The following NAA10 variants were observed in gnomAD, a reference collection of about 807,000 sequenced individuals.
NAA10 encodes the protein N-alpha-acetyltransferase 10.
A neutral mutation model predicts 19.2 loss-of-function variants in NAA10; 6 were observed. The observed-to-expected ratio is 0.31, with a 90% CI of 0.17 to 0.62. The LOEUF is 0.62. NAA10 is among the 20% of genes least tolerant of loss of function. The pLI is 0.83. For synonymous variants in NAA10, 97 were observed against 79.9 expected (o/e 1.21, Z -1.14); for missense variants, 101 against 198.4 (o/e 0.51, Z 2.95).
chrX:153,930,354 G>A lies in NAA10; in HGVS notation c.472-131C>T, dbSNP rs782272629. Reference sequence around the variant, plus strand: ...GGCAGCAGGGCTAGGCAGGACACGCGGGACTGAGTGGGGACACCTGGCTGG... The same window carrying A: ...GGCAGCAGGGCTAGGCAGGACACGCAGGACTGAGTGGGGACACCTGGCTGG... On this transcript the variant is annotated intron_variant, in intron 7 of 7. Coordinates refer to ENST00000464845, the MANE Select transcript of NAA10 (RefSeq NM_003491.4). The A allele has an allele frequency of 1.8e-3, 1,051 of 589,271 alleles. 4 individuals are homozygous for A. The highest frequency in any genetic ancestry group is 2.5e-3 in the Non-Finnish European group (865 of 348,631). 48.6% of individuals were successfully genotyped at this position (589,271 alleles called of 1,213,427 possible).
At chrX:153,932,213 A>G in intron 5 of NAA10, 98 bp from the exon 6 acceptor site, 1 of 1,085,885 alleles carries the variant, frequency 9.2e-7, no homozygotes, top group South Asian at 1.9e-5. Flanking sequence ...CCTTCCCCCC[A>G]ATCCCACTTC....
intron 3 of NAA10, 128 bp downstream of exon 3, chrX:153,933,815 C>T (rs1352715658): frequency 5.1e-6 from 3 of 590,257 alleles, no homozygotes; most frequent in Non-Finnish European, 8.3e-6. Flanking sequence ...AACTCCATGT[C>T]CTTTCTGTTC....
intron 3 of NAA10, 179 bp from the exon 4 acceptor site, chrX:153,932,763 C>A (rs1310169510): frequency 6.1e-6 from 3 of 488,462 alleles, no homozygotes; most frequent in Non-Finnish European, 1.1e-5. Context: ...GCCTGAAAAC[C>A]CCAAGCCTGC....
At chrX:153,931,448 C>A in intron 6 of NAA10, 4 of 810,673 alleles carry the variant, frequency 4.9e-6, no homozygotes, top group Non-Finnish European at 5.9e-6. Context: ...CCAACAGTCC[C>A]TCTTCTTCAT....
intron 2 of NAA10, 66 bp from the exon 3 acceptor site, chrX:153,934,067 C>G: frequency 4.8e-6 from 5 of 1,038,809 alleles, no homozygotes; most frequent in Non-Finnish European, 6.8e-6. Context: ...TAGAGGGACA[C>G]AAACTGGACG....
chrX:153,930,740 C>G, intron 7 of NAA10, 23 bp downstream of exon 7: 1 of 1,209,246 alleles, frequency 8.3e-7, no homozygotes, highest in Non-Finnish European at 1.1e-6. Context: ...GCTCGCCTTG[C>G]TTGGCTTCAT....
At chrX:153,934,253 C>T in intron 2 of NAA10, 124 bp downstream of exon 2, 1 of 657,997 alleles carries the variant, frequency 1.5e-6, no homozygotes, top group Non-Finnish European at 2.4e-6. Context: ...GCTGAAAACA[C>T]CCAGGACGCC....
At chrX:153,932,195 T>TGGTCCCTCCTTCCCCCC in intron 5 of NAA10, 80 bp from the exon 6 acceptor site, 1 of 1,175,381 alleles carries the variant, frequency 8.5e-7, no homozygotes, top group Non-Finnish European at 1.2e-6. Flanking sequence ...CCCCTCCTCC[T>TGGTCCCTCCTTCCCCCC]GGTCCCTCCT....
At chrX:153,930,912 C>CTGGTA in intron 6 of NAA10, 65 bp from the exon 7 acceptor site, 6 of 1,210,893 alleles carry the variant, frequency 5.0e-6, no homozygotes, top group Non-Finnish European at 5.6e-6. Flanking sequence ...TCCTCCACTC[C>CTGGTA]TGGTATCGTG....
intron 6 of NAA10, 97 bp from the exon 7 acceptor site, chrX:153,930,944 G>A: frequency 8.3e-7 from 1 of 1,207,638 alleles, no homozygotes. Flanking sequence ...AAGGTGCCAT[G>A]TTTTCTCCCT....
Position 153,930,788 on chromosome X carries a change from C to G in NAA10, c.446G>C (p.Arg149Pro). Residue 149 changes from arginine to proline, a missense_variant, in exon 7 of 8, where the codon CGG becomes CCG. Arg to Pro is a moderately radical substitution (Grantham distance 103, BLOSUM62 -2). Around this residue, in one of 2 missense-constraint regions of NAA10, gnomAD observed 58 missense variants for 75.8 expected, o/e 0.77. Transcript: ENST00000464845. ...ADGEDAYAMK[R>P]DLTQMADELR... ...CTCGTCGGCCATCTGAGTGAGGTCC[C>G]GCTTCATGGCATAGGCGTCCTCCCC... 8.3e-7 allele frequency: 1 copy of G among 1,211,970 alleles called. No homozygotes were observed. The highest frequency in any genetic ancestry group is 1.1e-6 in the Non-Finnish European group (1 of 895,535).
rs960412850 is a variant in NAA10 at position 153,932,462 on chromosome X, G to A, written c.226-31C>T. 6.7e-6 allele frequency: 8 copies of A among 1,200,748 alleles called. No individual in the cohort carries two copies. The African/African-American group carries it at 1.4e-4, about 21-fold the overall frequency. On this transcript the variant is annotated intron_variant, in intron 4 of 7. Transcript: ENST00000464845. The stretch of plus-strand genomic sequence containing the variant: ...GGGAGAAGAGCAGAGATGGGGTGAG[G>A]GACTGGGACCTTGAGGGCTGCCCCA...
At chrX:153,930,318 G>A (rs782072288) in intron 7 of NAA10, 95 bp from the exon 8 acceptor site, 23 of 834,885 alleles carry the variant, frequency 2.8e-5, no homozygotes, top group Non-Finnish European at 4.1e-5. Context: ...CTGAGGAGAG[G>A]GGCATAGTGA....
At chrX:153,931,592 G>A (rs1021614117) in intron 6 of NAA10, 3 of 754,531 alleles carry the variant, frequency 4.0e-6, no homozygotes, top group African/African-American at 2.3e-5. Flanking sequence ...CTAGGCACAC[G>A]GGGCCTCCTG....
intron 6 of NAA10, chrX:153,931,152 C>T (rs1165467120): frequency 4.0e-6 from 4 of 992,862 alleles, no homozygotes; most frequent in Admixed American, 7.8e-5. Flanking sequence ...CCCTGCCCTG[C>T]GCCCTGTCCC....
At chrX:153,931,827 C>G in intron 6 of NAA10, 1 of 1,094,003 alleles carries the variant, frequency 9.1e-7, no homozygotes, top group Non-Finnish European at 1.2e-6. Flanking sequence ...CCATCATGGG[C>G]CAGAGCTCCT....
chrX:153,932,375 G>A lies in NAA10; in HGVS notation c.282C>T (p.Ala94=). Residue 94 remains alanine, a synonymous_variant, in exon 5 of 8, where the codon GCC becomes GCT. Transcript: ENST00000464845. ...TGAAGTTCTCTATCATGGCTCGAGA[G>A]GCCTGGTCCATCAGTTTCTGAGCCA... is the stretch of plus-strand genomic sequence containing the variant. ...LGLAQKLMDQ[A]SRAMIENFNA... 2 of 1,211,770 alleles carry A rather than the reference G, an allele frequency of 1.7e-6. No homozygotes were observed. The highest frequency in any genetic ancestry group is 1.1e-6 in the Non-Finnish European group (1 of 895,407).
At chrX:153,930,978 A>AG in intron 6 of NAA10, 131 bp from the exon 7 acceptor site, 1 of 1,195,705 alleles carries the variant, frequency 8.4e-7, no homozygotes. Flanking sequence ...TGAGACAACA[A>AG]GTCCAGTGTG....
intron 2 of NAA10, 118 bp from the exon 3 acceptor site, chrX:153,934,119 G>A: frequency 1.4e-6 from 1 of 711,079 alleles, no homozygotes; most frequent in Non-Finnish European, 2.2e-6. Context: ...CGGGCTGAGT[G>A]GCTTGGTCTC....
Sources: allele counts gnomAD v4.1 joint callset, GRCh38; gene constraint gnomAD v4.1.1; regional missense constraint gnomAD v4.1.1; transcripts MANE v1.5; gene names NCBI Gene and HGNC (gene_info 2026-07-23, HGNC 2026-07-21).